The following CHCHD7 variants were observed in gnomAD, a reference collection of about 807,000 sequenced individuals.
CHCHD7 encodes the protein coiled-coil-helix-coiled-coil-helix domain-containing protein 7.
In CHCHD7, 7 loss-of-function variants were observed where a neutral mutation model predicts 10.5. The ratio of observed to expected loss-of-function variants is 0.67; its 90% CI spans 0.38 to 1.25. The LOEUF (loss-of-function observed/expected upper bound fraction) is 1.25. Ranked by LOEUF, CHCHD7 falls within the 50% of genes most tolerant of loss-of-function variation. The pLI, the probability that CHCHD7 is intolerant of heterozygous loss-of-function variation, is 0.02. For synonymous variants in CHCHD7, 40 were observed against 36.0 expected, an observed-to-expected ratio of 1.11 and a Z score of -0.40; for missense variants, 100 against 104.5, an observed-to-expected ratio of 0.96 and a Z score of 0.19.
rs948221179 is a variant in CHCHD7 at position 56,218,776 on chromosome 8, A to G, written c.*1341A>G. ...GTCACTCCTTTGAAGGTACATACCA[A>G]TATCAACATTCATCTTGTAACTAGT... On this transcript the variant is annotated 3_prime_UTR_variant, in exon 4 of 4. Transcript: ENST00000355315. 1.6e-5 allele frequency: 3 copies of G among 188,378 alleles called. No individual in the cohort carries two copies. The highest frequency in any genetic ancestry group is 3.4e-5 in the Non-Finnish European group (3 of 89,494). 11.7% of individuals were successfully genotyped at this position (188,378 alleles called of 1,614,324 possible). A position where few individuals can be genotyped will look rare whatever the true frequency, so the allele number is the denominator to read the frequency against.
At chr8:56,212,892 A>G in intron 1 of CHCHD7, 6 of 1,601,034 alleles carry the variant, frequency 3.7e-6, no homozygotes, top group South Asian at 1.1e-5. Context: ...CGAACTGGGT[A>G]TATGTGATGT....
intron 2 of CHCHD7, 85 bp downstream of exon 2, chr8:56,214,752 T>A (rs1813245307): frequency 1.0e-6 from 1 of 993,692 alleles, no homozygotes; most frequent in Admixed American, 2.0e-5. Context: ...TTTCTGCAGT[T>A]GTTGAATAAA....
At chr8:56,216,295 A>G in intron 2 of CHCHD7, 138 bp from the exon 3 acceptor site, 1 of 1,334,074 alleles carries the variant, frequency 7.5e-7, no homozygotes. Context: ...TCCAGTTTTT[A>G]TTAGTCTACC....
chr8:56,214,730 G>A (rs1381893712), intron 2 of CHCHD7, 63 bp downstream of exon 2: 1 of 1,284,472 alleles, frequency 7.8e-7, no homozygotes, highest in Non-Finnish European at 1.1e-6. Flanking sequence ...CTCTAGTTTT[G>A]TGGGCCTTTG....
In CHCHD7 at chr8:56,216,460, G is replaced by A; in HGVS notation, c.82G>A (p.Asp28Asn). The A allele has an allele frequency of 6.2e-7, 1 of 1,613,980 alleles. No homozygotes were observed. ...SESDASTRCL[D>N]ENNYDRERCS... The stretch of plus-strand genomic sequence containing the variant: ...ATCTGATGCTTCCACCAGATGTCTG[G>A]ATGAAAATAACTATGACAGGGAAAG... The change falls in exon 3 of 4, where the codon GAT becomes AAT. Residue 28 changes from aspartate (D) to asparagine (N), a missense_variant. By Grantham distance (23) the Asp-to-Asn change is conservative (BLOSUM62 1). Coordinates refer to ENST00000355315, the MANE Select transcript of CHCHD7 (RefSeq NM_001011671.3).
intron 1 of CHCHD7, 80 bp from the exon 2 acceptor site, chr8:56,214,518 G>T: frequency 1.0e-6 from 1 of 990,396 alleles, no homozygotes. Flanking sequence ...AAAATTTCAG[G>T]TACTTTTAGT....
chr8:56,214,362 C>A (rs1406307579), intron 1 of CHCHD7: 1 of 341,684 alleles, frequency 2.9e-6, no homozygotes, highest in African/African-American at 2.1e-5. Context: ...TGAGACACCG[C>A]ACCCAGCCAG....
intron 1 of CHCHD7, chr8:56,213,924 A>G (rs1358681500): frequency 6.6e-6 from 1 of 152,242 alleles, no homozygotes; most frequent in Non-Finnish European, 1.5e-5. Flanking sequence ...GTTGGACTGT[A>G]CCGAATTTCA....
Position 56,217,012 on chromosome 8 carries a change from C to T in CHCHD7, c.154-319C>T, listed in dbSNP as rs771543119. On this transcript the variant is annotated intron_variant, in intron 3 of 3. Transcript: ENST00000355315. ...ATTTCCTTTCGCTTTGCTAAATGCA[C>T]TGTTGGTTTTATTTCACGATTATTC... 89 of 416,984 alleles carry T rather than the reference C, an allele frequency of 2.1e-4. 2 individuals are homozygous for T. Among genetic ancestry groups the T allele is most frequent in the Non-Finnish European group, 2.2e-5 (5 of 227,280 alleles). The allele number at this position is 416,984 out of a possible 1,614,324, so 25.8% of individuals were successfully genotyped here. A position where few individuals can be genotyped will look rare whatever the true frequency, so the allele number is the denominator to read the frequency against.
At chr8:56,216,975 C>T (rs951350336) in intron 3 of CHCHD7, 5 of 430,534 alleles carry the variant, frequency 1.2e-5, no homozygotes, top group South Asian at 2.2e-5. Flanking sequence ...CCTTGAACCA[C>T]GGGATCCAGC....
In CHCHD7 at chr8:56,217,383, C is replaced by T. The variant is rs752320298; in HGVS notation, c.206C>T (p.Thr69Met). The change falls in exon 4 of 4, where the codon ACG becomes ATG. Residue 69 changes from threonine (T) to methionine (M), a missense_variant. Transcript: ENST00000355315. ...AACGGAGTGAAGCCATTTATGCCTACGGCAGCAGAAAGAGATGAAATCTTG... is the reference window on the plus strand; with the variant it reads ...AACGGAGTGAAGCCATTTATGCCTATGGCAGCAGAAAGAGATGAAATCTTG... Reference protein sequence around the residue: ...RKNGVKPFMPTAAERDEILRA... With the variant: ...RKNGVKPFMPMAAERDEILRA... The T allele has an allele frequency of 3.2e-5, 51 of 1,612,248 alleles. No individual in the cohort carries two copies. The highest frequency in any genetic ancestry group is 3.8e-5 in the Non-Finnish European group (45 of 1,178,484).
intron 3 of CHCHD7, 82 bp downstream of exon 3, chr8:56,216,613 A>G (rs897785942): frequency 1.2e-5 from 17 of 1,404,832 alleles, no homozygotes; most frequent in South Asian, 9.3e-5. Context: ...AGTACCCACA[A>G]TCCTTTCCCA....
intron 3 of CHCHD7, chr8:56,216,747 T>G (rs543004075): frequency 1.4e-6 from 1 of 703,816 alleles, no homozygotes; most frequent in South Asian, 1.5e-5. Context: ...AATGCAGTTT[T>G]AATATAGGTG....
chr8:56,216,394 G>C, intron 2 of CHCHD7, 39 bp from the exon 3 acceptor site: 20 of 1,613,226 alleles, frequency 1.2e-5, no homozygotes, highest in Non-Finnish European at 1.7e-5. Flanking sequence ...TTTAGATCCT[G>C]TTCTACCTTT....
At position 56,216,603 on chromosome 8, in the gene CHCHD7, A is replaced by G. The variant is rs757591116; in HGVS notation, c.153+72A>G. 14 of 1,488,964 alleles carry G rather than the reference A, an allele frequency of 9.4e-6. No homozygotes were observed. In the East Asian group the frequency reaches 3.2e-4, roughly 34 times the overall value. The allele number at this position is 1,488,964 out of a possible 1,614,324, so 92.2% of individuals were successfully genotyped here. A position where few individuals can be genotyped will look rare whatever the true frequency, so the allele number is the denominator to read the frequency against. On this transcript the variant is annotated intron_variant, in intron 3 of 3. Transcript: ENST00000355315. ...TTGAAACTGAAGCCTAAAATTAGTC[A>G]GTACCCACAATCCTTTCCCACTGAT...
Position 56,217,432 on chromosome 8 carries a change from T to C in CHCHD7, c.255T>C (p.Tyr85=), listed in dbSNP as rs1270455725. The change falls in exon 4 of 4, where the codon TAT becomes TAC. Residue 85 remains tyrosine, a synonymous_variant. Coordinates refer to ENST00000355315, the MANE Select transcript of CHCHD7 (RefSeq NM_001011671.3). Reference sequence around the variant, plus strand: ...TGAGAGCAGTGGGAAATATGCCCTATTGAATGTTTGCATTAAAAGTGTTTA... The same window carrying C: ...TGAGAGCAGTGGGAAATATGCCCTACTGAATGTTTGCATTAAAAGTGTTTA... The part of the protein sequence containing the change: ...EILRAVGNMP[Y] 1.3e-6 allele frequency: 2 copies of C among 1,537,106 alleles called. No individual in the cohort carries two copies. Among genetic ancestry groups the C allele is most frequent in the East Asian group, 2.2e-5 (1 of 44,480 alleles).
intron 1 of CHCHD7, chr8:56,212,438 G>C (rs550000860): frequency 6.3e-6 from 1 of 159,750 alleles, no homozygotes; most frequent in South Asian, 1.9e-4. Context: ...GTTCAGAAAC[G>C]TTTCCTTCCC....
At position 56,217,675 on chromosome 8, in the gene CHCHD7, A is replaced by G. The variant is rs1303657207; in HGVS notation, c.*240A>G. 2 of 379,016 alleles carry G rather than the reference A, an allele frequency of 5.3e-6. No homozygotes were observed. The highest frequency in any genetic ancestry group is 4.1e-5 in the African/African-American group (2 of 48,626). 23.5% of individuals were successfully genotyped at this position (379,016 alleles called of 1,614,324 possible). A position where few individuals can be genotyped will look rare whatever the true frequency, so the allele number is the denominator to read the frequency against. On this transcript the variant is annotated 3_prime_UTR_variant, in exon 4 of 4. Transcript: ENST00000355315. ...ACTTTCTGGAGGCATGGAGTTAGGT[A>G]AGGCTACATGAGAAATTGAGCTTTT...
chr8:56,212,819 G>T (rs376019218), intron 1 of CHCHD7: 1 of 1,482,522 alleles, frequency 6.7e-7, no homozygotes. Flanking sequence ...AACTTAGAGT[G>T]CCTTGTATTT....
Sources: gnomAD v4.1 joint callset for allele counts on GRCh38, gnomAD v4.1.1 for gene constraint, MANE v1.5 for transcripts, NCBI Gene and HGNC (gene_info 2026-07-23, HGNC 2026-07-21) for gene names.